Variants in SPAG6 observed in about 807,000 individuals in gnomAD.
SPAG6 encodes sperm-associated antigen 6.
In SPAG6, 49 loss-of-function variants were observed where a neutral mutation model predicts 58.5. The ratio of observed to expected loss-of-function variants is 0.84; its 90% CI spans 0.67 to 1.06. The LOEUF (loss-of-function observed/expected upper bound fraction) is 1.06, where lower values mean the gene tolerates loss of function less well. SPAG6 is among the 50% of genes least tolerant of loss of function. SPAG6 has a pLI of 0.00. For synonymous variants in SPAG6, 233 were observed against 225.6 expected, an observed-to-expected ratio of 1.03 and a Z score of -0.29; for missense variants, 560 against 611.3, an observed-to-expected ratio of 0.92 and a Z score of 0.89.
intron 2 of SPAG6, among the ~76,000 whole-genome samples, chr10:22,347,548 A>G (rs1265885056): frequency 6.6e-6 from 1 of 152,252 alleles, no homozygotes; most frequent in African/African-American, 2.4e-5. Flanking sequence ...AAACTTTTAA[A>G]ATGGGAAAAT....
chr10:22,406,441 A>G (rs1834558438), intron 9 of SPAG6, among the ~76,000 whole-genome samples: 1 of 151,920 alleles, frequency 6.6e-6, no homozygotes, highest in South Asian at 2.1e-4. Context: ...CATGTAGTTG[A>G]GCGGTTTTGA....
chr10:22,410,581 T>C (rs941370401), intron 9 of SPAG6, among the ~76,000 whole-genome samples: 5 of 151,124 alleles, frequency 3.3e-5, no homozygotes, highest in African/African-American at 1.2e-4. Context: ...TAGGAAGAGG[T>C]AGCAGCGTGG....
chr10:22,359,417 T>A, intron 2 of SPAG6: 3 of 251,642 alleles, frequency 1.2e-5, no homozygotes, highest in African/African-American at 2.3e-5. Context: ...TGAGATGGAG[T>A]CTCATTCACT....
chr10:22,377,328 CA>C (rs1387666338), intron 4 of SPAG6, among the ~76,000 whole-genome samples: 1 of 152,210 alleles, frequency 6.6e-6, no homozygotes. Context: ...TTCTGAGCCA[CA>C]ACCACCTAGC....
rs921784495 is a variant in SPAG6 at position 22,345,538 on chromosome 10, G to C, written c.-74G>C. The stretch of plus-strand genomic sequence containing the variant: ...CGGAGGCCGAGTCGTCGCCACGATC[G>C]CCCCCTTGGTGGACTCGCAGGCCGA... On this transcript the variant is annotated 5_prime_UTR_variant, in exon 1 of 11. Transcript: ENST00000376624. The surrounding 1 kb of genome is among the most constrained non-coding windows in gnomAD (Gnocchi z 6.3). The C allele has an allele frequency of 7.7e-7, 1 of 1,299,166 alleles. No homozygotes were observed. The highest frequency in any genetic ancestry group is 2.7e-5 in the East Asian group (1 of 37,446). The allele number at this position is 1,299,166 out of a possible 1,614,324, so 80.5% of individuals were successfully genotyped here.
intron 7 of SPAG6, among the ~76,000 whole-genome samples, chr10:22,390,028 A>G (rs1202641584): frequency 6.6e-6 from 1 of 152,174 alleles, no homozygotes. Flanking sequence ...GTTTCTTATC[A>G]GCATAGAAAA....
rs141883722 is a variant in SPAG6 at position 22,394,956 on chromosome 10, C to A, written c.1197+3036C>A. ...GAACTCCTGGCCTCAAGCAGTCCCC[C>A]ACCTTGACCTCCCAAAGCACTGGGA... is the stretch of plus-strand genomic sequence containing the variant. On this transcript the variant is annotated intron_variant, in intron 8 of 10. Coordinates refer to ENST00000376624, the MANE Select transcript of SPAG6 (RefSeq NM_012443.4). 3.6e-3 allele frequency among the ~76,000 whole-genome samples: 548 copies of A among 152,282 alleles called. 2 individuals carry two copies. The highest frequency in any genetic ancestry group is 0.013 in the African/African-American group (531 of 41,574).
chr10:22,362,706 G>A (rs1837079387), intron 2 of SPAG6, among the ~76,000 whole-genome samples: 1 of 151,972 alleles, frequency 6.6e-6, no homozygotes, highest in Non-Finnish European at 1.5e-5. Context: ...TCCAGCCTAG[G>A]CAACAGAGCA....
At chr10:22,406,191 G>A (rs1389927068) in intron 9 of SPAG6, among the ~76,000 whole-genome samples, 1 of 152,142 alleles carries the variant, frequency 6.6e-6, no homozygotes, top group Non-Finnish European at 1.5e-5. Flanking sequence ...TTGTGAATGT[G>A]TTTGCTCTTG....
chr10:22,401,828 G>A (rs1336350834), intron 9 of SPAG6, among the ~76,000 whole-genome samples: 2 of 152,186 alleles, frequency 1.3e-5, no homozygotes, highest in African/African-American at 4.8e-5. Context: ...CTATAAGTGG[G>A]CACAGCCAGC....
intron 2 of SPAG6, among the ~76,000 whole-genome samples, chr10:22,346,355 TGA>T (rs1430336565): frequency 6.6e-6 from 1 of 151,160 alleles, no homozygotes; most frequent in Non-Finnish European, 1.5e-5. Context: ...CTTGCAGATG[TGA>T]GAGGGGGAGA....
rs1394454889 is a variant in SPAG6, at chr10:22,408,673, G to A, written c.1315-2358G>A. ...CTGTGGTGGGCTGCACCCAGTTGGA[G>A]CTTCCCAGCTGCTTTGTTTACCTAA... On this transcript the variant is annotated intron_variant, in intron 9 of 10. Coordinates refer to ENST00000376624, the MANE Select transcript of SPAG6 (RefSeq NM_012443.4). Among the ~76,000 whole-genome samples the A allele has an allele frequency of 3.9e-5, 6 of 152,334 alleles. No homozygotes were observed. The East Asian group carries it at 1.2e-3, about 29-fold the overall frequency.
intron 2 of SPAG6, chr10:22,361,359 T>A (rs1312599804): frequency 6.6e-6 from 1 of 152,280 alleles, no homozygotes; most frequent in Admixed American, 6.6e-5. Context: ...ATATTAATAT[T>A]CAGTGAGCCA....
At chr10:22,368,454 T>A (rs769793053) in intron 3 of SPAG6, 41 bp from the exon 4 acceptor site, 18 of 1,564,990 alleles carry the variant, frequency 1.2e-5, no homozygotes, top group Non-Finnish European at 8.7e-7. Context: ...GTTTTCTAAG[T>A]ACTCAATTCA....
chr10:22,353,320 AAC>A (rs1165308722), intron 2 of SPAG6, among the ~76,000 whole-genome samples: 15 of 152,348 alleles, frequency 9.8e-5, no homozygotes, highest in African/African-American at 3.6e-4. Flanking sequence ...TAAAAGAGAA[AAC>A]ACATTAGTTA....
intron 2 of SPAG6, among the ~76,000 whole-genome samples, chr10:22,351,393 G>C (rs1836724264): frequency 1.3e-5 from 2 of 152,144 alleles, no homozygotes; most frequent in Admixed American, 6.5e-5. Flanking sequence ...TGGGAACCGA[G>C]GTAGTCCTGC....
At chr10:22,363,685 G>A (rs1038490847) in intron 2 of SPAG6, among the ~76,000 whole-genome samples, 5 of 152,116 alleles carry the variant, frequency 3.3e-5, no homozygotes, top group African/African-American at 7.2e-5. Flanking sequence ...ATGGCTTCTC[G>A]ACCTTTGGCT....
In SPAG6 at chr10:22,386,765, G is replaced by A. The variant is rs1407955463; in HGVS notation, c.484G>A (p.Ala162Thr). The change falls in exon 5 of 11, where the codon GCT becomes ACT. Residue 162 changes from alanine (A) to threonine (T), a missense_variant. By Grantham distance (58) the Ala-to-Thr change is moderately conservative. Transcript: ENST00000376624. ...TCTTGGACCCACAGAACTGTCACAA[G>A]CTGTGGTGGATGCAGGAGCTGTTCC... ...IARHNAELSQ[A>T]VVDAGAVPLL... 3 of 1,613,136 alleles carry A rather than the reference G, an allele frequency of 1.9e-6. No individual in the cohort carries two copies. The highest frequency in any genetic ancestry group is 1.3e-5 in the African/African-American group (1 of 74,884).
In SPAG6 at chr10:22,349,276, C is replaced by G. The variant is rs558449604; in HGVS notation, c.121+3458C>G. 3.3e-5 allele frequency among the ~76,000 whole-genome samples: 5 copies of G among 151,734 alleles called. No homozygotes were observed. The East Asian group carries it at 9.7e-4, about 29-fold the overall frequency. On this transcript the variant is annotated intron_variant, in intron 2 of 10. Coordinates refer to ENST00000376624, the MANE Select transcript of SPAG6 (RefSeq NM_012443.4). The stretch of plus-strand genomic sequence containing the variant: ...TCTAAATTAAAAGAACTCATATGAA[C>G]AATTAAAAAGTTTAATGTCTGTTAT...
Sources: gnomAD v4.1 joint callset for allele counts (sites outside exome capture counted in the v4.1 genomes callset) on GRCh38, gnomAD v4.1.1 for gene constraint, Gnocchi (gnomAD v3.1) non-coding constraint, MANE v1.5 for transcripts, NCBI Gene and HGNC (gene_info 2026-07-23, HGNC 2026-07-21) for gene names.